The following CSMD1 variants were observed in gnomAD, a reference collection of about 807,000 sequenced individuals.
CSMD1 encodes CUB and Sushi multiple domains 1.
In CSMD1, 213 loss-of-function variants were observed where a neutral mutation model predicts 417.5. That is an observed-to-expected ratio of 0.51 (90% CI 0.46 to 0.57). The LOEUF (loss-of-function observed/expected upper bound fraction) is 0.57, where lower values mean the gene tolerates loss of function less well. Among genes scored for constraint, CSMD1 ranks in the 20% least tolerant of loss-of-function variants. The pLI is 0.00. For synonymous variants in CSMD1, 2,862 were observed against 1,736.8 expected, an observed-to-expected ratio of 1.65 and a Z score of -16.11; for missense variants, 6,923 against 4,529.7, an observed-to-expected ratio of 1.53 and a Z score of -15.17.
At chr8:4,191,406 A>AAAAAGAAAACAAAAG (rs149868023) in intron 3 of CSMD1, among the ~76,000 whole-genome samples, 1 of 152,042 alleles carries the variant, frequency 6.6e-6, no homozygotes, top group African/African-American at 2.4e-5. Flanking sequence ...AGAAAAAACA[A>AAAAAGAAAACAAAAG]AAAACAAAAC....
chr8:3,470,908 T>G (rs1817056303), intron 11 of CSMD1, among the ~76,000 whole-genome samples: 1 of 152,224 alleles, frequency 6.6e-6, no homozygotes, highest in African/African-American at 2.4e-5. Flanking sequence ...CACAGCTTGC[T>G]TAATTAACCA....
chr8:3,800,822 T>A (rs1336110955), intron 5 of CSMD1, among the ~76,000 whole-genome samples: 1 of 152,104 alleles, frequency 6.6e-6, no homozygotes, highest in Non-Finnish European at 1.5e-5. Flanking sequence ...CCCTTTGACC[T>A]TCTTCATCAT....
At chr8:4,832,246 G>C (rs1345490107) in intron 1 of CSMD1, among the ~76,000 whole-genome samples, 6 of 152,180 alleles carry the variant, frequency 3.9e-5, no homozygotes, top group East Asian at 1.9e-4. Context: ...GAGGACATTA[G>C]CCAGTAATGG....
At chr8:4,309,424 A>T (rs1313307049) in intron 3 of CSMD1, among the ~76,000 whole-genome samples, 1 of 151,942 alleles carries the variant, frequency 6.6e-6, no homozygotes, top group Non-Finnish European at 1.5e-5. Context: ...AAGAAATTAA[A>T]TTCAAAATTT....
intron 7 of CSMD1, among the ~76,000 whole-genome samples, chr8:3,641,958 A>G (rs1797327836): frequency 6.6e-6 from 1 of 152,158 alleles, no homozygotes; most frequent in Non-Finnish European, 1.5e-5. Context: ...AATCCCTGAC[A>G]CAGATGGGGA....
intron 1 of CSMD1, among the ~76,000 whole-genome samples, chr8:4,655,347 G>C (rs1469773217): frequency 6.6e-6 from 1 of 152,012 alleles, no homozygotes; most frequent in East Asian, 1.9e-4. Context: ...TCGACCTGCT[G>C]AAGGTTTGAA....
intron 6 of CSMD1, among the ~76,000 whole-genome samples, chr8:3,736,121 T>C (rs887872417): frequency 2.6e-5 from 4 of 152,216 alleles, no homozygotes; most frequent in African/African-American, 9.7e-5. Context: ...TTTACATACA[T>C]TAAATCTTTT....
At chr8:3,968,415 G>A (rs898677382) in intron 5 of CSMD1, among the ~76,000 whole-genome samples, 1 of 152,020 alleles carries the variant, frequency 6.6e-6, no homozygotes, top group Non-Finnish European at 1.5e-5. Context: ...TCCTTCATGG[G>A]TTCACATGGA....
intron 7 of CSMD1, among the ~76,000 whole-genome samples, chr8:3,619,829 C>G (rs955648876): frequency 1.3e-5 from 2 of 152,258 alleles, no homozygotes; most frequent in African/African-American, 4.8e-5. Flanking sequence ...GTAATATATT[C>G]AATAGAATTT....
At position 3,406,056 on chromosome 8, in the gene CSMD1, A is replaced by G; in HGVS notation, c.2237T>C (p.Val746Ala). 2 of 1,613,898 alleles carry G rather than the reference A, an allele frequency of 1.2e-6. No individual in the cohort carries two copies. The highest frequency in any genetic ancestry group is 1.7e-6 in the Non-Finnish European group (2 of 1,179,860). ...ACAGCGGGGCACGGTGGAGCTCCAG[A>G]CCACGTTCCCGTCTTGCAGTATGCA... The part of the protein sequence containing the change: ...ITCILQDGNV[V>A]WSSTVPRCEA... Residue 746 changes from valine to alanine, a missense_variant, in exon 15 of 70, where the codon GTC becomes GCC. Physicochemically the swap from Val to Ala is moderately conservative, Grantham distance 64. Coordinates refer to ENST00000635120, the MANE Select transcript of CSMD1 (RefSeq NM_033225.6).
Position 3,553,429 on chromosome 8 carries a change from G to A in CSMD1, c.1344+21516C>T, listed in dbSNP as rs149944486. Among the ~76,000 whole-genome samples the A allele has an allele frequency of 2.4e-3, 365 of 152,278 alleles. 2 individuals carry two copies. The highest frequency in any genetic ancestry group is 7.7e-3 in the Admixed American group (117 of 15,288). On this transcript the variant is annotated intron_variant, in intron 10 of 69. Coordinates refer to ENST00000635120, the MANE Select transcript of CSMD1 (RefSeq NM_033225.6). Reference sequence around the variant, plus strand: ...CAGCTGATTCATGATCTCATCCTATGTCTATTCAGTTCCTCAGTTTCTTCC... The same window carrying A: ...CAGCTGATTCATGATCTCATCCTATATCTATTCAGTTCCTCAGTTTCTTCC...
intron 3 of CSMD1, among the ~76,000 whole-genome samples, chr8:4,117,373 C>T (rs1802216102): frequency 2.6e-5 from 4 of 151,256 alleles, no homozygotes; most frequent in Admixed American, 1.4e-4. Context: ...AACACCGGGA[C>T]ACCAGGCAAA....
At chr8:4,734,107 G>C (rs1432457595) in intron 1 of CSMD1, among the ~76,000 whole-genome samples, 1 of 152,132 alleles carries the variant, frequency 6.6e-6, no homozygotes, top group Non-Finnish European at 1.5e-5. Flanking sequence ...CATCAAAAGA[G>C]TTTATTTTTA....
intron 10 of CSMD1, among the ~76,000 whole-genome samples, chr8:3,555,557 T>G: frequency 6.6e-6 from 1 of 152,236 alleles, no homozygotes; most frequent in East Asian, 1.9e-4. Flanking sequence ...AAACGCTTGC[T>G]TCACTGAAGC....
intron 6 of CSMD1, among the ~76,000 whole-genome samples, chr8:3,732,141 CG>C (rs1282540324): frequency 6.6e-6 from 1 of 152,170 alleles, no homozygotes; most frequent in African/African-American, 2.4e-5. Flanking sequence ...GCGGAAGCCA[CG>C]GGCAAGCCCT....
At chr8:4,738,878 C>G (rs1810415627) in intron 1 of CSMD1, among the ~76,000 whole-genome samples, 1 of 91,308 alleles carries the variant, frequency 1.1e-5, no homozygotes, top group South Asian at 3.5e-4. Context: ...ATATAGTCAT[C>G]TATTATACTT....
chr8:4,586,007 A>G (rs1000712602), intron 2 of CSMD1, among the ~76,000 whole-genome samples: 1 of 152,222 alleles, frequency 6.6e-6, no homozygotes, highest in Admixed American at 6.5e-5. Flanking sequence ...GACTATTTTC[A>G]TCATTACCTT....
intron 6 of CSMD1, among the ~76,000 whole-genome samples, chr8:3,747,241 C>T (rs1432808243): frequency 6.6e-6 from 1 of 152,144 alleles, no homozygotes; most frequent in African/African-American, 2.4e-5. Flanking sequence ...AGAGTTGAAG[C>T]TTCTTTCTGT....
At chr8:3,385,036 TATA>T (rs1244042822) in intron 18 of CSMD1, among the ~76,000 whole-genome samples, 7 of 119,334 alleles carry the variant, frequency 5.9e-5, no homozygotes, top group Non-Finnish European at 1.1e-4. Context: ...ATATAATATA[TATA>T]ATATATAAAT....
Sources: allele counts gnomAD v4.1 joint callset (sites outside exome capture counted in the v4.1 genomes callset), GRCh38; gene constraint gnomAD v4.1.1; transcripts MANE v1.5; gene names NCBI Gene and HGNC (gene_info 2026-07-23, HGNC 2026-07-21).